Variants in SPATS2L observed in about 807,000 individuals in gnomAD.
The protein encoded by SPATS2L is spermatogenesis associated serine rich 2 like.
A neutral mutation model predicts 59.6 loss-of-function variants in SPATS2L; 30 were observed. The ratio of observed to expected loss-of-function variants is 0.50; its 90% CI spans 0.38 to 0.68. SPATS2L has a LOEUF of 0.68. Ranked by LOEUF, SPATS2L falls within the 30% of genes least tolerant of loss-of-function variation. SPATS2L has a pLI of 0.00. For synonymous variants in SPATS2L, 252 were observed against 263.5 expected (o/e 0.96, Z 0.42); for missense variants, 615 against 700.0 (o/e 0.88, Z 1.37).
chr2:200,328,626 G>A (rs1305722419), intron 1 of SPATS2L, among the ~76,000 whole-genome samples: 1 of 152,156 alleles, frequency 6.6e-6, no homozygotes, highest in Non-Finnish European at 1.5e-5. Context: ...CAGTCATTTT[G>A]TGGAGGTCAA....
Position 200,333,757 on chromosome 2 carries a change from G to A in SPATS2L, c.-23+4277G>A, listed in dbSNP as rs183051097. Among the ~76,000 whole-genome samples, 67 of 152,154 alleles carry A rather than the reference G, an allele frequency of 4.4e-4. 1 individual carries two copies. Among genetic ancestry groups the A allele is most frequent in the African/African-American group, 1.5e-3 (64 of 41,516 alleles). Reference sequence around the variant, plus strand: ...TATGAGTGAGAACATGTAGTGTTTGGTTTTTTGTTCTTGCGATAGTTTGCT... The same window carrying A: ...TATGAGTGAGAACATGTAGTGTTTGATTTTTTGTTCTTGCGATAGTTTGCT... On this transcript the variant is annotated intron_variant, in intron 2 of 12. Transcript: ENST00000409140.
chr2:200,318,830 A>G (rs1269301753), intron 1 of SPATS2L, among the ~76,000 whole-genome samples: 2 of 152,234 alleles, frequency 1.3e-5, no homozygotes, highest in Admixed American at 1.3e-4. Context: ...TTCTTTCCAC[A>G]TTATCCCAGT....
rs543257344 is a variant in SPATS2L, at chr2:200,378,120, G to A, written c.-22-11103G>A. 1.6e-4 allele frequency: 82 copies of A among 510,774 alleles called. No homozygotes were observed. The African/African-American group carries it at 1.6e-3, about 10-fold the overall frequency. 31.6% of individuals were successfully genotyped at this position (510,774 alleles called of 1,614,324 possible). A position where few individuals can be genotyped will look rare whatever the true frequency, so the allele number is the denominator to read the frequency against. ...AAGGGAACAAGTAGTCTCTCTGAAGGTGAGTCTTTCTGTTGCTCAGGTGAC... is the reference window on the plus strand; with the variant it reads ...AAGGGAACAAGTAGTCTCTCTGAAGATGAGTCTTTCTGTTGCTCAGGTGAC... On this transcript the variant is annotated intron_variant, in intron 2 of 12. Transcript: ENST00000409140.
chr2:200,388,329 G>C (rs2082057729), intron 2 of SPATS2L, among the ~76,000 whole-genome samples: 1 of 152,066 alleles, frequency 6.6e-6, no homozygotes, highest in Non-Finnish European at 1.5e-5. Flanking sequence ...CCAGTGCTTT[G>C]GGAGGCCGAA....
At chr2:200,467,603 T>TA (rs2086687456) in intron 10 of SPATS2L, among the ~76,000 whole-genome samples, 1 of 152,188 alleles carries the variant, frequency 6.6e-6, no homozygotes, top group African/African-American at 2.4e-5. Flanking sequence ...AGGAATGTGT[T>TA]ACTCCAAAGG....
At chr2:200,333,944 A>G (rs1262227362) in intron 2 of SPATS2L, among the ~76,000 whole-genome samples, 15 of 152,278 alleles carry the variant, frequency 9.9e-5, no homozygotes, top group Admixed American at 3.3e-4. Flanking sequence ...GCTATTGTGA[A>G]TAGTGCCGCA....
Position 200,478,034 on chromosome 2 carries a change from T to C in SPATS2L, c.*3T>C. 2 of 1,535,762 alleles carry C rather than the reference T, an allele frequency of 1.3e-6. No individual in the cohort carries two copies. Among genetic ancestry groups the C allele is most frequent in the Non-Finnish European group, 1.7e-6 (2 of 1,142,900 alleles). On this transcript the variant is annotated 3_prime_UTR_variant, in exon 13 of 13. Transcript: ENST00000409140. Reference sequence around the variant, plus strand: ...CGGCTGTGACGTTGGTGGCCTGAGCTAGGAGGAAAAAGAGCAGTTTTCACT... The same window carrying C: ...CGGCTGTGACGTTGGTGGCCTGAGCCAGGAGGAAAAAGAGCAGTTTTCACT...
At position 200,309,090 on chromosome 2, in the gene SPATS2L, T is replaced by C. The variant is rs1289089360; in HGVS notation, c.-73+2168T>C. On this transcript the variant is annotated intron_variant, in intron 1 of 12. Transcript: ENST00000409140. ...AGCATTTTATGGACCCGTTTTGCCA[T>C]GTAAGTGGTAAGCTTTTACATCAGA... is the stretch of plus-strand genomic sequence containing the variant. 7.0e-6 allele frequency: 5 copies of C among 717,998 alleles called. No individual in the cohort carries two copies. In the Admixed American group the frequency reaches 1.0e-4, roughly 14 times the overall value. The allele number at this position is 717,998 out of a possible 1,614,324, so 44.5% of individuals were successfully genotyped here.
intron 3 of SPATS2L, chr2:200,390,228 T>C (rs1461772387): frequency 6.6e-6 from 1 of 152,230 alleles, no homozygotes; most frequent in Non-Finnish European, 1.5e-5. Context: ...GCCATTACTA[T>C]TTTTTCTTTC....
chr2:200,376,829 C>A (rs1652291043), intron 2 of SPATS2L, among the ~76,000 whole-genome samples: 1 of 152,194 alleles, frequency 6.6e-6, no homozygotes, highest in Admixed American at 6.5e-5. Context: ...CGGGCCGCCA[C>A]CCTCTCCTCT....
intron 3 of SPATS2L, among the ~76,000 whole-genome samples, chr2:200,403,090 G>A (rs1448627485): frequency 6.6e-6 from 1 of 152,202 alleles, no homozygotes; most frequent in Non-Finnish European, 1.5e-5. Context: ...AGGAGAGTCA[G>A]TAGCAAGTAA....
intron 3 of SPATS2L, among the ~76,000 whole-genome samples, chr2:200,397,345 C>T (rs2082387359): frequency 6.6e-6 from 1 of 152,186 alleles, no homozygotes; most frequent in African/African-American, 2.4e-5. Context: ...AGTTATTTCT[C>T]ACCATGATCC....
chr2:200,425,852 G>A (rs1209548230), intron 6 of SPATS2L, among the ~76,000 whole-genome samples: 1 of 152,034 alleles, frequency 6.6e-6, no homozygotes, highest in Non-Finnish European at 1.5e-5. Context: ...TGTAATAAAT[G>A]TTATAAAGGC....
intron 3 of SPATS2L, 85 bp downstream of exon 3, chr2:200,389,368 G>T: frequency 1.0e-6 from 1 of 955,222 alleles, no homozygotes; most frequent in South Asian, 1.6e-5. Flanking sequence ...TTACAGTGGA[G>T]AAAGGGAAAG....
At chr2:200,430,291 G>A (rs2083831384) in intron 6 of SPATS2L, among the ~76,000 whole-genome samples, 2 of 152,020 alleles carry the variant, frequency 1.3e-5, no homozygotes, top group Non-Finnish European at 2.9e-5. Flanking sequence ...TTAAATTTTT[G>A]TAAGTTGCTA....
chr2:200,474,790 C>CTAAG (rs1284048890), intron 12 of SPATS2L, among the ~76,000 whole-genome samples: 1 of 152,178 alleles, frequency 6.6e-6, no homozygotes, highest in Admixed American at 6.5e-5. Context: ...ACTCAAATAT[C>CTAAG]TAAGTCAGAA....
chr2:200,398,145 A>G (rs2082414529), intron 3 of SPATS2L, among the ~76,000 whole-genome samples: 1 of 152,184 alleles, frequency 6.6e-6, no homozygotes, highest in South Asian at 2.1e-4. Context: ...GCTGTTAACT[A>G]GCAACCTCCT....
intron 2 of SPATS2L, among the ~76,000 whole-genome samples, chr2:200,344,043 T>G (rs1434298200): frequency 6.6e-6 from 1 of 151,918 alleles, no homozygotes; most frequent in Non-Finnish European, 1.5e-5. Context: ...GAGGTTATTT[T>G]TTTTAAAAAA....
At chr2:200,460,286 G>C (rs1373754719) in intron 9 of SPATS2L, among the ~76,000 whole-genome samples, 1 of 152,046 alleles carries the variant, frequency 6.6e-6, no homozygotes, top group South Asian at 2.1e-4. Flanking sequence ...TCCTAGAAAA[G>C]TAGTCCCATT....
Sources: allele counts gnomAD v4.1 joint callset (sites outside exome capture counted in the v4.1 genomes callset), GRCh38; gene constraint gnomAD v4.1.1; transcripts MANE v1.5; gene names NCBI Gene and HGNC (gene_info 2026-07-23, HGNC 2026-07-21).